MACROD2: variants seen among roughly 807,000 people sequenced by gnomAD.
MACROD2 encodes ADP-ribose glycohydrolase MACROD2.
MACROD2 carries 36 observed loss-of-function variants against 70.4 expected under a neutral mutation model. That is an observed-to-expected ratio of 0.51 (90% CI 0.39 to 0.68). The LOEUF (loss-of-function observed/expected upper bound fraction) is 0.68, where lower values mean the gene tolerates loss of function less well. MACROD2 is among the 30% of genes least tolerant of loss of function. The pLI, the probability that MACROD2 is intolerant of heterozygous loss-of-function variation, is 0.00. For synonymous variants in MACROD2, 172 were observed against 178.8 expected (o/e 0.96, Z 0.30); for missense variants, 496 against 538.4 (o/e 0.92, Z 0.78).
intron 9 of MACROD2, among the ~76,000 whole-genome samples, chr20:15,865,383 A>G (rs1289937591): frequency 6.8e-6 from 1 of 146,694 alleles, no homozygotes; most frequent in Non-Finnish European, 1.5e-5. Flanking sequence ...AATATATTTA[A>G]TAACATAACA....
intron 5 of MACROD2, among the ~76,000 whole-genome samples, chr20:15,007,720 G>A (rs1436176878): frequency 6.6e-6 from 1 of 152,202 alleles, no homozygotes; most frequent in Non-Finnish European, 1.5e-5. Flanking sequence ...GGGCCACCAG[G>A]GTTGCTGCCA....
intron 5 of MACROD2, among the ~76,000 whole-genome samples, chr20:15,175,517 G>T (rs1437613097): frequency 6.6e-6 from 1 of 152,030 alleles, no homozygotes; most frequent in Admixed American, 6.5e-5. Flanking sequence ...TACCACCCAG[G>T]TTTCTTGTAT....
chr20:15,237,153 GT>G (rs2145997108), intron 6 of MACROD2, among the ~76,000 whole-genome samples: 1 of 152,274 alleles, frequency 6.6e-6, no homozygotes, highest in Non-Finnish European at 1.5e-5. Context: ...GTGAAAACCT[GT>G]TTATAAACAC....
intron 15 of MACROD2, among the ~76,000 whole-genome samples, chr20:15,991,603 A>G (rs1454887938): frequency 1.3e-5 from 2 of 152,226 alleles, no homozygotes; most frequent in Non-Finnish European, 2.9e-5. Context: ...TGATTCATGC[A>G]AAATACTATA....
chr20:15,051,338 ATGTGTGTGTGTG>A (rs6147297), intron 5 of MACROD2, among the ~76,000 whole-genome samples: 5,694 of 129,256 alleles, frequency 0.044, 163 homozygotes, highest in Admixed American at 0.065. Context: ...TCAGTAGGAG[ATGTGTGTGTGTG>A]TGTGTGTGTG....
At chr20:14,860,492 C>G (rs1243847511) in intron 5 of MACROD2, among the ~76,000 whole-genome samples, 3 of 152,034 alleles carry the variant, frequency 2.0e-5, no homozygotes, top group African/African-American at 7.2e-5. Context: ...AGCCTGTGGG[C>G]AGAAAACACC....
chr20:15,803,448 G>A (rs2063743363), intron 8 of MACROD2, among the ~76,000 whole-genome samples: 1 of 152,116 alleles, frequency 6.6e-6, no homozygotes, highest in African/African-American at 2.4e-5. Flanking sequence ...AATAAAAAGT[G>A]CCTGATGATG....
At chr20:15,636,226 G>C (rs1471289037) in intron 8 of MACROD2, among the ~76,000 whole-genome samples, 10 of 152,054 alleles carry the variant, frequency 6.6e-5, no homozygotes, top group Admixed American at 6.6e-4. Flanking sequence ...AAATCCCTAA[G>C]GGAAGGAGAC....
intron 3 of MACROD2, among the ~76,000 whole-genome samples, chr20:14,343,329 T>C (rs968308984): frequency 1.8e-4 from 27 of 152,160 alleles, no homozygotes; most frequent in Non-Finnish European, 3.1e-4. Context: ...TGATACTTTC[T>C]ATGTGGCCCT....
intron 2 of MACROD2, among the ~76,000 whole-genome samples, chr20:14,084,323 C>A (rs539777359): frequency 6.6e-6 from 1 of 151,828 alleles, no homozygotes; most frequent in South Asian, 2.1e-4. Flanking sequence ...GCAGTGTCTC[C>A]TCTCATTAAA....
At chr20:14,429,275 T>C (rs2083968614) in intron 3 of MACROD2, among the ~76,000 whole-genome samples, 1 of 152,194 alleles carries the variant, frequency 6.6e-6, no homozygotes, top group Non-Finnish European at 1.5e-5. Context: ...TTATAATTTA[T>C]AACCAGGATG....
rs56188346 is a variant in MACROD2, at chr20:15,168,441, A to ATGTGTGTGTG, written c.419-61459_419-61450dup. ...CCTCTTCCTCTCTCCACATTGTGGG[A>ATGTGTGTGTG]TGTGTGTGTGTGTGTGTGTGTGTGT... is the stretch of plus-strand genomic sequence containing the variant. On this transcript the variant is annotated intron_variant, in intron 5 of 17. Transcript: ENST00000684519. Among the ~76,000 whole-genome samples, 459 of 134,718 alleles carry ATGTGTGTGTG rather than the reference A, an allele frequency of 3.4e-3. 4 individuals carry two copies. The highest frequency in any genetic ancestry group is 0.014 in the East Asian group (64 of 4,498). The allele number at this position is 134,718 out of a possible 152,430, so 88.4% of individuals were successfully genotyped here. A position where few individuals can be genotyped will look rare whatever the true frequency, so the allele number is the denominator to read the frequency against.
At chr20:14,446,143 A>C (rs2084179692) in intron 3 of MACROD2, among the ~76,000 whole-genome samples, 1 of 152,062 alleles carries the variant, frequency 6.6e-6, no homozygotes, top group Non-Finnish European at 1.5e-5. Flanking sequence ...CAAACTTTGT[A>C]TTGCCACACT....
chr20:14,596,239 G>A (rs565895281), intron 4 of MACROD2, among the ~76,000 whole-genome samples: 23 of 151,368 alleles, frequency 1.5e-4, no homozygotes, highest in Non-Finnish European at 2.7e-4. Flanking sequence ...ACAGGCGCCC[G>A]CCACCAAGCC....
intron 3 of MACROD2, among the ~76,000 whole-genome samples, chr20:14,448,379 A>AT (rs553135111): frequency 4.6e-5 from 7 of 151,842 alleles, no homozygotes; most frequent in Non-Finnish European, 8.8e-5. Flanking sequence ...TAGTGAATGG[A>AT]TTTTTTAAAC....
At chr20:14,419,012 G>A (rs183603354) in intron 3 of MACROD2, among the ~76,000 whole-genome samples, 7 of 151,742 alleles carry the variant, frequency 4.6e-5, no homozygotes, top group Admixed American at 3.3e-4. Context: ...AGAAATTCTC[G>A]TGACTTTCTT....
chr20:15,242,939 A>G (rs2077072688), intron 6 of MACROD2, among the ~76,000 whole-genome samples: 1 of 152,200 alleles, frequency 6.6e-6, no homozygotes, highest in African/African-American at 2.4e-5. Context: ...GGGCAGAGGG[A>G]GAAGTCACGT....
chr20:15,704,043 T>C (rs1299305626), intron 8 of MACROD2, among the ~76,000 whole-genome samples: 1 of 152,224 alleles, frequency 6.6e-6, no homozygotes, highest in African/African-American at 2.4e-5. Flanking sequence ...GGGGTGAGAA[T>C]GACTGACACC....
At chr20:14,683,071 G>T (rs2070954076) in intron 4 of MACROD2, among the ~76,000 whole-genome samples, 1 of 151,888 alleles carries the variant, frequency 6.6e-6, no homozygotes, top group Non-Finnish European at 1.5e-5. Context: ...TAGAGACGGG[G>T]TTTCTCCATG....
Sources: gnomAD v4.1 joint callset for allele counts (sites outside exome capture counted in the v4.1 genomes callset) on GRCh38, gnomAD v4.1.1 for gene constraint, MANE v1.5 for transcripts, NCBI Gene and HGNC (gene_info 2026-07-23, HGNC 2026-07-21) for gene names.